Variants in SMARCA4 observed in about 807,000 individuals in gnomAD.
SMARCA4 encodes the protein SWI/SNF-related matrix-associated actin-dependent regulator of chromatin subfamily A member 4.
SMARCA4 carries 31 observed loss-of-function variants against 193.9 expected under a neutral mutation model. The ratio of observed to expected loss-of-function variants is 0.16; its 90% CI spans 0.12 to 0.22. SMARCA4 has a LOEUF of 0.22. Ranked by LOEUF, SMARCA4 falls within the 10% of genes least tolerant of loss-of-function variation. SMARCA4 has a pLI of 1.00. For missense variants in SMARCA4, 1,148 were observed against 2,296.0 expected (o/e 0.50, Z 10.22); for synonymous variants, 942 against 933.1 (o/e 1.01, Z -0.17).
At position 11,058,234 on chromosome 19, in the gene SMARCA4, G is replaced by T. The variant is rs2147083636; in HGVS notation, c.4425-21G>T. 6.3e-7 allele frequency: 1 copy of T among 1,583,882 alleles called. No individual in the cohort carries two copies. Reference sequence around the variant, plus strand: ...CGGGTGGGCGGACTCGGGGGTGATAGCCGCCGGTTCTGCCTTGCAGCAGCA... The same window carrying T: ...CGGGTGGGCGGACTCGGGGGTGATATCCGCCGGTTCTGCCTTGCAGCAGCA... On this transcript the variant is annotated intron_variant, in intron 30 of 34. Transcript: ENST00000344626. This position sits in a 1 kb window ranked among gnomAD's most constrained non-coding sequence, Gnocchi z 5.8.
chr19:11,031,120 TG>T lies in SMARCA4; in HGVS notation c.3546+228del. The T allele has an allele frequency of 1.7e-6, 1 of 579,388 alleles. No homozygotes were observed. The allele number at this position is 579,388 out of a possible 1,614,324, so 35.9% of individuals were successfully genotyped here. A position where few individuals can be genotyped will look rare whatever the true frequency, so the allele number is the denominator to read the frequency against. On this transcript the variant is annotated intron_variant, in intron 25 of 34. Coordinates refer to ENST00000344626, the MANE Select transcript of SMARCA4 (RefSeq NM_003072.5). This position sits in a 1 kb window ranked among gnomAD's most constrained non-coding sequence, Gnocchi z 4.3. ...CCTTTCCCTCTGATTGGGAAAGCAGTGTATAAGCCATCCGTCGGTTTGGTTT... is the reference window on the plus strand; with the variant it reads ...CCTTTCCCTCTGATTGGGAAAGCAGTTATAAGCCATCCGTCGGTTTGGTTT...
At chr19:10,978,603 G>A (rs2085318778) in intron 1 of SMARCA4, among the ~76,000 whole-genome samples, 1 of 151,720 alleles carries the variant, frequency 6.6e-6, no homozygotes, top group Admixed American at 6.6e-5. Flanking sequence ...TGGGATTACA[G>A]GTATGAGCCA....
In SMARCA4 at chr19:11,060,306, G is replaced by A. The variant is rs543611549; in HGVS notation, c.4911+119G>A. ...CCCCCACGCTGCAGGTGGGAAAGCT[G>A]AGGCTTGACCTGCCATGGCTGACCC... On this transcript the variant is annotated intron_variant, in intron 34 of 34. Coordinates refer to ENST00000344626, the MANE Select transcript of SMARCA4 (RefSeq NM_003072.5). 4.5e-3 allele frequency: 5,834 copies of A among 1,304,076 alleles called. 172 individuals carry two copies. In the South Asian group the frequency reaches 0.047, roughly 11 times the overall value. 80.8% of individuals were successfully genotyped at this position (1,304,076 alleles called of 1,614,324 possible). A position where few individuals can be genotyped will look rare whatever the true frequency, so the allele number is the denominator to read the frequency against.
Position 10,985,728 on chromosome 19 carries a change from A to G in SMARCA4, c.355+323A>G, listed in dbSNP as rs1420846202. Among the ~76,000 whole-genome samples the G allele has an allele frequency of 6.6e-6, 1 of 152,038 alleles. No individual in the cohort carries two copies. The highest frequency in any genetic ancestry group is 2.4e-5 in the African/African-American group (1 of 41,372). On this transcript the variant is annotated intron_variant, in intron 3 of 34. Coordinates refer to ENST00000344626, the MANE Select transcript of SMARCA4 (RefSeq NM_003072.5). This position sits in a 1 kb window ranked among gnomAD's most constrained non-coding sequence, Gnocchi z 4.5. ...GAAATACAGATTCCTGGGGCCTGGG[A>G]CTCTGCTTTAATGAGCCCAGCAGGT...
intron 1 of SMARCA4, among the ~76,000 whole-genome samples, chr19:10,981,717 T>G (rs1438015368): frequency 6.6e-6 from 1 of 152,196 alleles, no homozygotes; most frequent in African/African-American, 2.4e-5. Flanking sequence ...GTCTCACACC[T>G]GTAATTCCAG....
At chr19:11,029,068 C>T (rs1600346844) in intron 24 of SMARCA4, among the ~76,000 whole-genome samples, 2 of 152,336 alleles carry the variant, frequency 1.3e-5, no homozygotes, top group South Asian at 2.1e-4. Context: ...GGGGTTCTGT[C>T]CAGGACCACT....
intron 30 of SMARCA4, among the ~76,000 whole-genome samples, chr19:11,044,946 C>G (rs1322109947): frequency 2.0e-5 from 3 of 152,156 alleles, no homozygotes; most frequent in African/African-American, 7.2e-5. Flanking sequence ...GTACAGGGCC[C>G]CAAACAGCTG....
chr19:11,004,560 G>A (rs2087998022), intron 13 of SMARCA4, among the ~76,000 whole-genome samples: 1 of 152,134 alleles, frequency 6.6e-6, no homozygotes, highest in Non-Finnish European at 1.5e-5. Flanking sequence ...TCTGTTCTGT[G>A]TTAGTCACTC....
intron 22 of SMARCA4, 108 bp downstream of exon 22, chr19:11,025,616 T>C: frequency 2.5e-6 from 2 of 793,394 alleles, no homozygotes; most frequent in Admixed American, 3.7e-5. Flanking sequence ...AATATTTTCA[T>C]TAGGTAATGC....
intron 8 of SMARCA4, among the ~76,000 whole-genome samples, chr19:10,994,482 G>A (rs1055204005): frequency 1.3e-5 from 2 of 151,294 alleles, no homozygotes; most frequent in South Asian, 2.1e-4. Context: ...CCCTCACCAC[G>A]CCCGGCTGAT....
intron 6 of SMARCA4, 69 bp from the exon 7 acceptor site, chr19:10,989,248 G>A (rs2145843427): frequency 6.2e-7 from 1 of 1,600,204 alleles, no homozygotes; most frequent in Non-Finnish European, 8.5e-7. Context: ...TGGGTCCCCT[G>A]CAGCTCCAGC....
chr19:11,000,297 G>A (rs2087509291), intron 11 of SMARCA4, among the ~76,000 whole-genome samples: 2 of 151,960 alleles, frequency 1.3e-5, no homozygotes, highest in African/African-American at 2.4e-5. Flanking sequence ...AGCAGTTTGG[G>A]TTGCTAAGGT....
rs574865473 is a variant in SMARCA4 at position 11,016,682 on chromosome 19, C to T, written c.2439-2275C>T. 1.1e-4 allele frequency among the ~76,000 whole-genome samples: 16 copies of T among 152,168 alleles called. No homozygotes were observed. In the South Asian group the frequency reaches 2.1e-3, roughly 20 times the overall value. ...ATTTGTTAATATGAGTATGGACCCACGGATATTTATTTAGTACTCCAGGCT... is the reference window on the plus strand; with the variant it reads ...ATTTGTTAATATGAGTATGGACCCATGGATATTTATTTAGTACTCCAGGCT... On this transcript the variant is annotated intron_variant, in intron 16 of 34. Coordinates refer to ENST00000344626, the MANE Select transcript of SMARCA4 (RefSeq NM_003072.5).
Position 10,972,337 on chromosome 19 carries a change from C to A in SMARCA4, c.-32+11163C>A, listed in dbSNP as rs559566980. ...TCTCGAACCCCTGACCTCAGGTGAT[C>A]CACCTGCCTCGGCCTCCCAAAGTGT... On this transcript the variant is annotated intron_variant, in intron 1 of 34. Coordinates refer to ENST00000344626, the MANE Select transcript of SMARCA4 (RefSeq NM_003072.5). 5.9e-5 allele frequency among the ~76,000 whole-genome samples: 9 copies of A among 152,116 alleles called. No individual in the cohort carries two copies. In the South Asian group the frequency reaches 1.9e-3, roughly 32 times the overall value.
Position 10,985,273 on chromosome 19 carries a change from CCCATGGAGT to C in SMARCA4, c.229_237del (p.Glu77_Met79del). The C allele has an allele frequency of 6.2e-7, 1 of 1,613,902 alleles. No individual in the cohort carries two copies. Among genetic ancestry groups the C allele is most frequent in the Non-Finnish European group, 8.5e-7 (1 of 1,179,974 alleles). On this transcript the variant is annotated inframe_deletion and splice_region_variant, in exon 3 of 35. Coordinates refer to ENST00000344626, the MANE Select transcript of SMARCA4 (RefSeq NM_003072.5). This position sits in a 1 kb window ranked among gnomAD's most constrained non-coding sequence, Gnocchi z 4.5. ...TGCCTTGCCATGGTCCCTCTCGCAGCCCATGGAGTCCATGCATGAGAAGGGCATGTCGGA... is the reference window on the plus strand; with the variant it reads ...TGCCTTGCCATGGTCCCTCTCGCAGCCCATGCATGAGAAGGGCATGTCGGA...
At chr19:11,060,661 G>T (rs1006849493) in intron 34 of SMARCA4, among the ~76,000 whole-genome samples, 2 of 152,222 alleles carry the variant, frequency 1.3e-5, no homozygotes, top group Non-Finnish European at 2.9e-5. Context: ...CCACTTGCTG[G>T]CTTTAAATAA....
Position 11,027,688 on chromosome 19 carries a change from G to C in SMARCA4, c.3216-96G>C. ...GTCTGTGCCCTTGAACCCGGCGCCT[G>C]GCCTGGAGGCGGGCGATGCACCTCC... On this transcript the variant is annotated intron_variant, in intron 23 of 34. Coordinates refer to ENST00000344626, the MANE Select transcript of SMARCA4 (RefSeq NM_003072.5). 12 of 1,374,638 alleles carry C rather than the reference G, an allele frequency of 8.7e-6. 1 individual carries two copies. The South Asian group carries it at 1.4e-4, about 16-fold the overall frequency. 85.2% of individuals were successfully genotyped at this position (1,374,638 alleles called of 1,614,324 possible). A position where few individuals can be genotyped will look rare whatever the true frequency, so the allele number is the denominator to read the frequency against.
rs539246589 is a variant in SMARCA4, at chr19:10,987,487, T to A, written c.860-179T>A. ...AGGGTGTGAAGGACGAGGGTGAGGC[T>A]GAGATCTGGAGGAGGTTGGAGCCCA... On this transcript the variant is annotated intron_variant, in intron 5 of 34. Coordinates refer to ENST00000344626, the MANE Select transcript of SMARCA4 (RefSeq NM_003072.5). The surrounding 1 kb of genome is among the most constrained non-coding windows in gnomAD (Gnocchi z 5.3). Among the ~76,000 whole-genome samples the A allele has an allele frequency of 6.6e-6, 1 of 152,178 alleles. No individual in the cohort carries two copies. Among genetic ancestry groups the A allele is most frequent in the Non-Finnish European group, 1.5e-5 (1 of 67,968 alleles).
rs866994849 is a variant in SMARCA4 at position 11,027,929 on chromosome 19, T to A, written c.3361T>A (p.Phe1121Ile). ...IMEDYFAYRG[F>I]KYLRLDGTTK... ...GGAAGATTACTTTGCGTATCGCGGC[T>A]TTAAATACCTCAGGCTTGATGGTGA... Residue 1121 changes from phenylalanine (F) to isoleucine (I), a missense_variant, in exon 24 of 35, where the codon TTT becomes ATT. By Grantham distance (21) the Phe-to-Ile change is conservative (BLOSUM62 0). Coordinates refer to ENST00000344626, the MANE Select transcript of SMARCA4 (RefSeq NM_003072.5). The A allele has an allele frequency of 6.2e-7, 1 of 1,614,204 alleles. No homozygotes were observed. The highest frequency in any genetic ancestry group is 8.5e-7 in the Non-Finnish European group (1 of 1,180,042).
Sources: allele counts gnomAD v4.1 joint callset (sites outside exome capture counted in the v4.1 genomes callset), GRCh38; gene constraint gnomAD v4.1.1; non-coding constraint Gnocchi (gnomAD v3.1); transcripts MANE v1.5; gene names NCBI Gene and HGNC (gene_info 2026-07-23, HGNC 2026-07-21).